EXTL2: variants seen among roughly 807,000 people sequenced by gnomAD.
EXTL2 encodes the protein exostosin-like 2.
Under a neutral mutation model 30.7 loss-of-function variants are expected in EXTL2, and 23 were observed. The observed-to-expected ratio is 0.75, with a 90% CI of 0.54 to 1.06. The LOEUF (loss-of-function observed/expected upper bound fraction) is 1.06. Ranked by LOEUF, EXTL2 falls within the 50% of genes least tolerant of loss-of-function variation. The pLI, the probability that EXTL2 is intolerant of heterozygous loss-of-function variation, is 0.00. For missense variants in EXTL2, 352 were observed against 396.3 expected, an observed-to-expected ratio of 0.89 and a Z score of 0.95; for synonymous variants, 123 against 133.8, an observed-to-expected ratio of 0.92 and a Z score of 0.56.
chr1:100,877,400 G>T lies in EXTL2; in HGVS notation c.433+76C>A. 1 of 1,333,616 alleles carries T rather than the reference G, an allele frequency of 7.5e-7. No individual in the cohort carries two copies. The highest frequency in any genetic ancestry group is 1.0e-6 in the Non-Finnish European group (1 of 985,056). 82.6% of individuals were successfully genotyped at this position (1,333,616 alleles called of 1,614,324 possible). On this transcript the variant is annotated intron_variant, in intron 3 of 4. Transcript: ENST00000370114. The surrounding 1 kb of genome is among the most constrained non-coding windows in gnomAD (Gnocchi z 4.1). ...TTTTTCTCCAGACGGTTAAGCAGAA[G>T]GCCAGAAATTCACATGTCTGTCCCA...
chr1:100,876,333 C>T (rs1649116501), intron 4 of EXTL2, among the ~76,000 whole-genome samples: 1 of 152,046 alleles, frequency 6.6e-6, no homozygotes, highest in African/African-American at 2.4e-5. Flanking sequence ...CACAATGGTA[C>T]ATGTAAAATT....
At chr1:100,893,517 TTTTA>T (rs1650595903) in intron 1 of EXTL2, among the ~76,000 whole-genome samples, 1 of 152,214 alleles carries the variant, frequency 6.6e-6, no homozygotes, top group East Asian at 1.9e-4. Flanking sequence ...GGAAGGAACT[TTTTA>T]TTTATCTGGC....
At chr1:100,893,048 C>T (rs115225980) in intron 1 of EXTL2, among the ~76,000 whole-genome samples, 1,808 of 152,278 alleles carry the variant, frequency 0.012, 33 homozygotes, top group African/African-American at 0.042. Context: ...AGTCACACGT[C>T]TGAGCAGCTG....
At chr1:100,890,165 C>T (rs1319741284) in intron 1 of EXTL2, among the ~76,000 whole-genome samples, 1 of 152,226 alleles carries the variant, frequency 6.6e-6, no homozygotes, top group African/African-American at 2.4e-5. Context: ...CTTCTGTGCA[C>T]CCATAGGCTC....
intron 2 of EXTL2, among the ~76,000 whole-genome samples, chr1:100,883,175 T>C (rs1014011986): frequency 2.6e-5 from 4 of 152,220 alleles, no homozygotes; most frequent in Admixed American, 2.6e-4. Flanking sequence ...TGCAAGATAA[T>C]ATAAAAAATT....
intron 2 of EXTL2, among the ~76,000 whole-genome samples, chr1:100,882,438 C>T (rs1477435296): frequency 6.6e-6 from 1 of 152,264 alleles, no homozygotes; most frequent in Non-Finnish European, 1.5e-5. Flanking sequence ...ACTTAAACAT[C>T]ATGATGAGGA....
rs533361417 is a variant in EXTL2, at chr1:100,880,256, G to A, written c.6-2353C>T. Among the ~76,000 whole-genome samples, 13 of 152,262 alleles carry A rather than the reference G, an allele frequency of 8.5e-5. No homozygotes were observed. In the South Asian group the frequency reaches 2.7e-3, roughly 32 times the overall value. ...TCAGGCATGTGCAAGCAAAGGAAGA[G>A]TTTGTTCACAAAGACAAGGAGAAGA... On this transcript the variant is annotated intron_variant, in intron 2 of 4. Transcript: ENST00000370114.
intron 2 of EXTL2, among the ~76,000 whole-genome samples, chr1:100,882,238 G>A (rs1311341997): frequency 6.6e-6 from 1 of 152,146 alleles, no homozygotes; most frequent in Non-Finnish European, 1.5e-5. Flanking sequence ...GCAAAGTCTG[G>A]AGATATCTCT....
chr1:100,873,842 G>A lies in EXTL2; in HGVS notation c.*100C>T. ...TTTTTTTCTATTGTAGAGACTTCTGGAGTAGATAAAATTCATGATGTTGCT... is the reference window on the plus strand; with the variant it reads ...TTTTTTTCTATTGTAGAGACTTCTGAAGTAGATAAAATTCATGATGTTGCT... On this transcript the variant is annotated 3_prime_UTR_variant, in exon 5 of 5. Transcript: ENST00000370114. 1 of 1,207,540 alleles carries A rather than the reference G, an allele frequency of 8.3e-7. No homozygotes were observed. Among genetic ancestry groups the A allele is most frequent in the South Asian group, 1.6e-5 (1 of 62,844 alleles). 74.8% of individuals were successfully genotyped at this position (1,207,540 alleles called of 1,614,324 possible). A position where few individuals can be genotyped will look rare whatever the true frequency, so the allele number is the denominator to read the frequency against.
At chr1:100,893,239 A>C (rs181178625) in intron 1 of EXTL2, among the ~76,000 whole-genome samples, 9 of 152,382 alleles carry the variant, frequency 5.9e-5, no homozygotes. Context: ...AAAGGAATTA[A>C]GAATTCTGAT....
chr1:100,881,720 A>C lies in EXTL2; in HGVS notation c.6-3817T>G, dbSNP rs184782225. On this transcript the variant is annotated intron_variant, in intron 2 of 4. Transcript: ENST00000370114. ...TTCCTCTTCTCCTCATGAACGAAAA[A>C]AATCCAAGATTTCCCCCAATGATAT... Among the ~76,000 whole-genome samples, 239 of 152,322 alleles carry C rather than the reference A, an allele frequency of 1.6e-3. 2 individuals carry two copies. Among genetic ancestry groups the C allele is most frequent in the African/African-American group, 5.6e-3 (234 of 41,568 alleles).
rs1321319493 is a variant in EXTL2, at chr1:100,892,276, A to C, written c.-72+2357T>G. 4.6e-5 allele frequency among the ~76,000 whole-genome samples: 7 copies of C among 152,234 alleles called. No individual in the cohort carries two copies. The East Asian group carries it at 1.4e-3, about 30-fold the overall frequency. ...CAATTGGCTGCCAGCCTGGCTACGAAAAGCAGGCAGAAGGTGGGAGAAGCT... is the reference window on the plus strand; with the variant it reads ...CAATTGGCTGCCAGCCTGGCTACGACAAGCAGGCAGAAGGTGGGAGAAGCT... On this transcript the variant is annotated intron_variant, in intron 1 of 4. Transcript: ENST00000370114.
In EXTL2 at chr1:100,874,174, T is replaced by G. The variant is rs1166918976; in HGVS notation, c.761A>C (p.Lys254Thr). 6.2e-7 allele frequency: 1 copy of G among 1,613,070 alleles called. No individual in the cohort carries two copies. ...TATCCCTGAAGTCTTGCCAATATGCTTGGCAATGATAAAATTCATGGCAAT... is the reference window on the plus strand; with the variant it reads ...TATCCCTGAAGTCTTGCCAATATGCGTGGCAATGATAAAATTCATGGCAAT... ...DDIAMNFIIAKHIGKTSGIFV... is the reference protein window; with the variant it reads ...DDIAMNFIIATHIGKTSGIFV... The change falls in exon 5 of 5, where the codon AAG becomes ACG. Residue 254 changes from lysine to threonine, a missense_variant. Lys to Thr is a moderately conservative substitution (Grantham distance 78). Coordinates refer to ENST00000370114, the MANE Select transcript of EXTL2 (RefSeq NM_001033025.3).
intron 2 of EXTL2, among the ~76,000 whole-genome samples, chr1:100,885,036 T>C (rs1649853295): frequency 6.6e-6 from 1 of 152,170 alleles, no homozygotes; most frequent in African/African-American, 2.4e-5. Context: ...TAAGGCCCAA[T>C]TAAGACTAGA....
intron 1 of EXTL2, among the ~76,000 whole-genome samples, chr1:100,889,610 A>C (rs61780284): frequency 0.11 from 16,936 of 152,232 alleles, 1,206 homozygotes; most frequent in Non-Finnish European, 0.16. Context: ...CTTCAAAGAT[A>C]TAGTGGGGAT....
chr1:100,883,605 A>G (rs1649735621), intron 2 of EXTL2, among the ~76,000 whole-genome samples: 1 of 152,206 alleles, frequency 6.6e-6, no homozygotes, highest in Admixed American at 6.5e-5. Context: ...TTGCCAAGTA[A>G]CATTCCATTC....
chr1:100,881,503 C>T (rs1649556008), intron 2 of EXTL2, among the ~76,000 whole-genome samples: 2 of 152,172 alleles, frequency 1.3e-5, no homozygotes, highest in Admixed American at 1.3e-4. Flanking sequence ...CCCTCATTTC[C>T]TAAACTTTCC....
intron 2 of EXTL2, among the ~76,000 whole-genome samples, chr1:100,879,802 GTA>G (rs1450069607): frequency 6.6e-6 from 1 of 152,060 alleles, no homozygotes; most frequent in Non-Finnish European, 1.5e-5. Flanking sequence ...TGAACTGTAT[GTA>G]TACTTACATA....
chr1:100,882,880 T>C (rs1649673741), intron 2 of EXTL2, among the ~76,000 whole-genome samples: 1 of 152,114 alleles, frequency 6.6e-6, no homozygotes, highest in Non-Finnish European at 1.5e-5. Context: ...ACTGCCCCAA[T>C]AATTACATAA....
Sources: allele counts gnomAD v4.1 joint callset (sites outside exome capture counted in the v4.1 genomes callset), GRCh38; gene constraint gnomAD v4.1.1; non-coding constraint Gnocchi (gnomAD v3.1); transcripts MANE v1.5; gene names NCBI Gene and HGNC (gene_info 2026-07-23, HGNC 2026-07-21).